The following SPINT1 variants were observed in gnomAD, a reference collection of about 807,000 sequenced individuals.
SPINT1 encodes the protein serine peptidase inhibitor, Kunitz type 1, also known as kunitz-type protease inhibitor 1.
Under a neutral mutation model 53.7 loss-of-function variants are expected in SPINT1, and 38 were observed. The ratio of observed to expected loss-of-function variants is 0.71; its 90% CI spans 0.55 to 0.93. SPINT1 has a LOEUF of 0.93. SPINT1 is among the 40% of genes least tolerant of loss of function. SPINT1 has a pLI of 0.00. For synonymous variants in SPINT1, 283 were observed against 280.6 expected, an observed-to-expected ratio of 1.01 and a Z score of -0.08; for missense variants, 645 against 692.9, an observed-to-expected ratio of 0.93 and a Z score of 0.78.
rs1277972120 is a variant in SPINT1 at position 40,854,635 on chromosome 15, G to A, written c.1067-4G>A. ...TCTGAGACTCTGACCTTTCCTCTCT[G>A]CAGACACGAGTGGCTTTGACGAGCT... On this transcript the variant is annotated splice_region_variant and splice_polypyrimidine_tract_variant and intron_variant, in intron 7 of 10. Transcript: ENST00000562057. 6 of 1,614,072 alleles carry A rather than the reference G, an allele frequency of 3.7e-6. No homozygotes were observed. The highest frequency in any genetic ancestry group is 5.1e-6 in the Non-Finnish European group (6 of 1,180,050).
intron 10 of SPINT1, 133 bp from the exon 11 acceptor site, chr15:40,856,637 G>C: frequency 6.7e-7 from 1 of 1,493,390 alleles, no homozygotes. Context: ...TTCATATGTG[G>C]GAGGTCTGAG....
At chr15:40,849,810 T>A (rs1251018793) in intron 2 of SPINT1, among the ~76,000 whole-genome samples, 3 of 152,080 alleles carry the variant, frequency 2.0e-5, no homozygotes, top group Non-Finnish European at 4.4e-5. Flanking sequence ...AATGTAGGTG[T>A]AGCAGGCTGG....
chr15:40,849,873 T>C (rs1363177965), intron 2 of SPINT1, among the ~76,000 whole-genome samples: 1 of 152,232 alleles, frequency 6.6e-6, no homozygotes, highest in East Asian at 1.9e-4. Flanking sequence ...TCTGTAAAGA[T>C]CTAAATAGAA....
At chr15:40,853,089 A>T in intron 2 of SPINT1, 35 bp from the exon 3 acceptor site, 2 of 1,604,938 alleles carry the variant, frequency 1.2e-6, no homozygotes, top group Non-Finnish European at 1.7e-6. Context: ...CCATCTAGTG[A>T]GAATTGACCT....
intron 2 of SPINT1, among the ~76,000 whole-genome samples, chr15:40,849,833 A>C (rs1306869768): frequency 7.1e-6 from 1 of 140,830 alleles, no homozygotes; most frequent in Non-Finnish European, 1.6e-5. Context: ...TTGAAGGTAC[A>C]TCATGGACTC....
In SPINT1 at chr15:40,854,529, C is replaced by T; in HGVS notation, c.1066+7C>T. On this transcript the variant is annotated splice_region_variant and intron_variant, in intron 7 of 10. Coordinates refer to ENST00000562057, the MANE Select transcript of SPINT1 (RefSeq NM_003710.4). Reference sequence around the variant, plus strand: ...GAGGCTGCCTGTGAAAAATGTGAGGCCTGGGGGATAGAGGGGGTTGGGCAG... The same window carrying T: ...GAGGCTGCCTGTGAAAAATGTGAGGTCTGGGGGATAGAGGGGGTTGGGCAG... 1 of 1,613,716 alleles carries T rather than the reference C, an allele frequency of 6.2e-7. No individual in the cohort carries two copies. The highest frequency in any genetic ancestry group is 8.5e-7 in the Non-Finnish European group (1 of 1,179,876).
rs1566856961 is a variant in SPINT1, at chr15:40,854,084, C to G, written c.938C>G (p.Pro313Arg). The G allele has an allele frequency of 6.5e-7, 1 of 1,544,032 alleles. No individual in the cohort carries two copies. Among genetic ancestry groups the G allele is most frequent in the African/African-American group, 1.4e-5 (1 of 72,486 alleles). ...GGCCCCTCCATGGAAAGGCGCCATC[C>G]AGGTGGGCTTTACTCCCCTCCCCAT... ...VQGPSMERRHPVCSGTCQPTQ... is the reference protein window; with the variant it reads ...VQGPSMERRHRVCSGTCQPTQ... The change falls in exon 6 of 11, where the codon CCA becomes CGA. Residue 313 changes from proline (P) to arginine (R), a missense_variant and splice_region_variant. By Grantham distance (103) the Pro-to-Arg change is moderately radical (BLOSUM62 -2). Coordinates refer to ENST00000562057, the MANE Select transcript of SPINT1 (RefSeq NM_003710.4).
intron 9 of SPINT1, 94 bp downstream of exon 9, chr15:40,856,156 T>G (rs971599883): frequency 1.3e-6 from 2 of 1,589,908 alleles, no homozygotes; most frequent in African/African-American, 2.7e-5. Flanking sequence ...CACCCCTCCA[T>G]CCTCAGAGCG....
At chr15:40,855,771 C>G (rs896957326) in intron 8 of SPINT1, 121 bp from the exon 9 acceptor site, 4 of 1,130,600 alleles carry the variant, frequency 3.5e-6, no homozygotes, top group African/African-American at 1.6e-5. Context: ...TTTGGGGCCT[C>G]TCAGGCCCTC....
intron 2 of SPINT1, among the ~76,000 whole-genome samples, chr15:40,852,609 A>G (rs181343456): frequency 1.0e-4 from 15 of 149,832 alleles, no homozygotes; most frequent in Admixed American, 6.6e-4. Flanking sequence ...AAATAAGCCT[A>G]TCCCCTCAAG....
In SPINT1 at chr15:40,855,134, G is replaced by A. The variant is rs117519517; in HGVS notation, c.1117+445G>A. On this transcript the variant is annotated intron_variant, in intron 8 of 10. Coordinates refer to ENST00000562057, the MANE Select transcript of SPINT1 (RefSeq NM_003710.4). Reference sequence around the variant, plus strand: ...GGTGGCTCACACTTATAATCCCAGCGCTTTGAGAGGCCGAGGCTGGCAGAT... The same window carrying A: ...GGTGGCTCACACTTATAATCCCAGCACTTTGAGAGGCCGAGGCTGGCAGAT... Among the ~76,000 whole-genome samples the A allele has an allele frequency of 9.8e-4, 141 of 144,602 alleles. No homozygotes were observed. In the East Asian group the frequency reaches 0.022, roughly 22 times the overall value. 94.9% of individuals were successfully genotyped at this position (144,602 alleles called of 152,430 possible).
At chr15:40,845,655 A>C (rs1891273533) in intron 2 of SPINT1, among the ~76,000 whole-genome samples, 1 of 152,186 alleles carries the variant, frequency 6.6e-6, no homozygotes, top group Admixed American at 6.5e-5. Context: ...GCTGGTGCTC[A>C]CAGGGAGGCC....
At chr15:40,854,175 A>C (rs1253996043) in intron 6 of SPINT1, 89 bp downstream of exon 6, 1 of 1,427,712 alleles carries the variant, frequency 7.0e-7, no homozygotes, top group African/African-American at 1.4e-5. Context: ...GCCTTTGACC[A>C]AGCCATTCCT....
At position 40,854,833 on chromosome 15, in the gene SPINT1, AT is replaced by A. The variant is rs145902250; in HGVS notation, c.1117+145del. Reference sequence around the variant, plus strand: ...CCAGGGTGGGCTCCCCGTTCTCCAGATGGCTCAGCTTCTTCCCTGGCTGGCT... The same window carrying A: ...CCAGGGTGGGCTCCCCGTTCTCCAGAGGCTCAGCTTCTTCCCTGGCTGGCT... On this transcript the variant is annotated intron_variant, in intron 8 of 10. Transcript: ENST00000562057. The A allele has an allele frequency of 5.7e-4, 565 of 998,022 alleles. 2 individuals carry two copies. In the African/African-American group the frequency reaches 8.7e-3, roughly 15 times the overall value. 61.8% of individuals were successfully genotyped at this position (998,022 alleles called of 1,614,324 possible).
Position 40,856,920 on chromosome 15 carries a change from C to T in SPINT1, c.1487C>T (p.Ser496Phe). 3 of 1,614,206 alleles carry T rather than the reference C, an allele frequency of 1.9e-6. No individual in the cohort carries two copies. The highest frequency in any genetic ancestry group is 2.5e-6 in the Non-Finnish European group (3 of 1,180,044). The change falls in exon 11 of 11, where the codon TCC becomes TTC. Residue 496 changes from serine to phenylalanine, a missense_variant. Physicochemically the swap from Ser to Phe is radical, Grantham distance 155. Transcript: ENST00000562057. ...PPPTPASSTVSTTEDTEHLVY... is the reference protein window; with the variant it reads ...PPPTPASSTVFTTEDTEHLVY... ...CCCACCCCTGCCAGCTCCACTGTCT[C>T]CACTACCGAGGACACGGAGCACCTG...
At chr15:40,854,744 C>T (rs1028549569) in intron 8 of SPINT1, 55 bp downstream of exon 8, 12 of 1,606,382 alleles carry the variant, frequency 7.5e-6, no homozygotes, top group Non-Finnish European at 1.0e-5. Context: ...CTGCCATCCT[C>T]ACTATTTCCA....
At chr15:40,854,020 C>A (rs1408501678) in intron 5 of SPINT1, 40 bp from the exon 6 acceptor site, 4 of 1,567,076 alleles carry the variant, frequency 2.6e-6, no homozygotes, top group Non-Finnish European at 3.5e-6. Context: ...CCCACTGGAG[C>A]CTGGTCATGC....
At position 40,844,245 on chromosome 15, in the gene SPINT1, C is replaced by T. The variant is rs60442578; in HGVS notation, c.-66+59C>T. On this transcript the variant is annotated intron_variant, in intron 1 of 10. Coordinates refer to ENST00000562057, the MANE Select transcript of SPINT1 (RefSeq NM_003710.4). The surrounding 1 kb of genome is among the most constrained non-coding windows in gnomAD (Gnocchi z 5.8). Reference sequence around the variant, plus strand: ...CAGGCGGAGCGGGCTGGAGCATGTCCGGCCCTTTGTTCTGCGCTCGTGCGT... The same window carrying T: ...CAGGCGGAGCGGGCTGGAGCATGTCTGGCCCTTTGTTCTGCGCTCGTGCGT... The T allele has an allele frequency of 1.2e-3, 587 of 487,192 alleles. 4 individuals are homozygous for T. Among genetic ancestry groups the T allele is most frequent in the African/African-American group, 0.011 (526 of 48,112 alleles). 30.2% of individuals were successfully genotyped at this position (487,192 alleles called of 1,614,324 possible).
At chr15:40,853,318 G>C in intron 3 of SPINT1, 67 bp downstream of exon 3, 1 of 1,609,220 alleles carries the variant, frequency 6.2e-7, no homozygotes, top group Non-Finnish European at 8.5e-7. Context: ...CCTTTCTGGG[G>C]CCCTAGGCCA....
Sources: gnomAD v4.1 joint callset for allele counts (sites outside exome capture counted in the v4.1 genomes callset) on GRCh38, gnomAD v4.1.1 for gene constraint, Gnocchi (gnomAD v3.1) non-coding constraint, MANE v1.5 for transcripts, NCBI Gene and HGNC (gene_info 2026-07-23, HGNC 2026-07-21) for gene names.